RIT2: variants seen among roughly 807,000 people sequenced by gnomAD.
The protein encoded by RIT2 is Ras like without CAAX 2.
A neutral mutation model predicts 23.7 loss-of-function variants in RIT2; 24 were observed. The ratio of observed to expected loss-of-function variants is 1.01; its 90% CI spans 0.73 to 1.43. RIT2 has a LOEUF of 1.43. RIT2 is among the 40% of genes most tolerant of loss of function. The pLI is 0.00. For synonymous variants in RIT2, 107 were observed against 91.1 expected, an observed-to-expected ratio of 1.17 and a Z score of -0.99; for missense variants, 236 against 266.9, an observed-to-expected ratio of 0.88 and a Z score of 0.81.
At chr18:43,037,921 C>G (rs1912017724) in intron 1 of RIT2, among the ~76,000 whole-genome samples, 1 of 151,978 alleles carries the variant, frequency 6.6e-6, no homozygotes, top group African/African-American at 2.4e-5. Context: ...TTAATAGTTT[C>G]AGGCCGGACG....
chr18:42,917,440 G>T lies in RIT2; in HGVS notation c.426+6132C>A, dbSNP rs1283045530. On this transcript the variant is annotated intron_variant, in intron 4 of 4. Transcript: ENST00000326695. ...GGGCTCTAAACCTCACTGTAATCTTGTCACTTGCCATCCTGTCAGTGTGCA... is the reference window on the plus strand; with the variant it reads ...GGGCTCTAAACCTCACTGTAATCTTTTCACTTGCCATCCTGTCAGTGTGCA... Among the ~76,000 whole-genome samples the T allele has an allele frequency of 2.0e-5, 3 of 151,988 alleles. No homozygotes were observed. In the East Asian group the frequency reaches 5.8e-4, roughly 29 times the overall value.
chr18:42,894,696 C>T (rs1461136141), intron 4 of RIT2, among the ~76,000 whole-genome samples: 1 of 152,142 alleles, frequency 6.6e-6, no homozygotes, highest in East Asian at 1.9e-4. Flanking sequence ...AATTGAGACA[C>T]TTTACAGCTA....
intron 2 of RIT2, among the ~76,000 whole-genome samples, chr18:42,981,197 T>C (rs1384363191): frequency 1.3e-5 from 2 of 152,102 alleles, no homozygotes; most frequent in African/African-American, 4.8e-5. Flanking sequence ...TGGCATCTCT[T>C]GGTCTACCTT....
At chr18:42,972,496 A>C (rs1910385102) in intron 3 of RIT2, among the ~76,000 whole-genome samples, 1 of 151,876 alleles carries the variant, frequency 6.6e-6, no homozygotes, top group African/African-American at 2.4e-5. Context: ...AATAAGTACA[A>C]AGGGAAATAA....
At chr18:42,945,770 T>C (rs2144165181) in intron 3 of RIT2, among the ~76,000 whole-genome samples, 1 of 152,240 alleles carries the variant, frequency 6.6e-6, no homozygotes, top group African/African-American at 2.4e-5. Flanking sequence ...AAGGCTTTTA[T>C]TTACGAGATG....
At chr18:42,887,516 T>C (rs1221443876) in intron 4 of RIT2, among the ~76,000 whole-genome samples, 2 of 152,110 alleles carry the variant, frequency 1.3e-5, no homozygotes, top group Non-Finnish European at 2.9e-5. Flanking sequence ...CTGGCAAAGA[T>C]GTGCAGCAAC....
chr18:42,832,705 T>C (rs750978603), intron 4 of RIT2, among the ~76,000 whole-genome samples: 3 of 152,170 alleles, frequency 2.0e-5, no homozygotes, highest in Non-Finnish European at 4.4e-5. Context: ...ATTTGAAATA[T>C]ACAATATATT....
chr18:43,000,965 T>C (rs901549138), intron 2 of RIT2, among the ~76,000 whole-genome samples: 2 of 152,070 alleles, frequency 1.3e-5, no homozygotes, highest in African/African-American at 2.4e-5. Flanking sequence ...GGGGGTTGCA[T>C]TGGGAAAGCA....
At chr18:42,752,229 A>G (rs1913062091) in intron 4 of RIT2, among the ~76,000 whole-genome samples, 1 of 152,200 alleles carries the variant, frequency 6.6e-6, no homozygotes, top group African/African-American at 2.4e-5. Context: ...AGAATGTATT[A>G]CAAGAAGTAA....
intron 1 of RIT2, among the ~76,000 whole-genome samples, chr18:43,062,097 G>T (rs1042247857): frequency 6.6e-6 from 1 of 151,988 alleles, no homozygotes; most frequent in African/African-American, 2.4e-5. Flanking sequence ...GAAGCTCCTG[G>T]CACTACTTTC....
chr18:42,931,930 GCA>G (rs1363977528), intron 3 of RIT2, among the ~76,000 whole-genome samples: 2 of 152,116 alleles, frequency 1.3e-5, no homozygotes, highest in African/African-American at 4.8e-5. Flanking sequence ...TGGGACTCAT[GCA>G]CACACATACC....
intron 2 of RIT2, among the ~76,000 whole-genome samples, chr18:42,981,541 T>C (rs1910598815): frequency 6.6e-6 from 1 of 152,076 alleles, no homozygotes; most frequent in African/African-American, 2.4e-5. Flanking sequence ...TTTCCTATTG[T>C]TCCTGCTATG....
intron 3 of RIT2, among the ~76,000 whole-genome samples, chr18:42,947,533 C>T (rs773436275): frequency 6.6e-5 from 10 of 152,026 alleles, no homozygotes; most frequent in Non-Finnish European, 1.3e-4. Context: ...TTTTGCAGGG[C>T]ATATTAGAGG....
At chr18:43,051,522 T>G (rs1210640394) in intron 1 of RIT2, among the ~76,000 whole-genome samples, 1 of 152,112 alleles carries the variant, frequency 6.6e-6, no homozygotes, top group Non-Finnish European at 1.5e-5. Flanking sequence ...TAGGTGCCTG[T>G]GGGCTTATAA....
At chr18:42,940,527 G>A (rs1197001271) in intron 3 of RIT2, among the ~76,000 whole-genome samples, 4 of 151,534 alleles carry the variant, frequency 2.6e-5, no homozygotes, top group Non-Finnish European at 4.4e-5. Flanking sequence ...GTCAGGTGCT[G>A]TATCTTTTCA....
intron 3 of RIT2, among the ~76,000 whole-genome samples, chr18:42,931,210 T>A (rs1020314188): frequency 6.6e-6 from 1 of 152,160 alleles, no homozygotes; most frequent in Non-Finnish European, 1.5e-5. Flanking sequence ...TAAATGTTTT[T>A]AAATATGTTA....
At chr18:43,037,123 T>C (rs1912000039) in intron 1 of RIT2, among the ~76,000 whole-genome samples, 1 of 152,228 alleles carries the variant, frequency 6.6e-6, no homozygotes, top group Non-Finnish European at 1.5e-5. Flanking sequence ...TCTAAAAATC[T>C]AATAACAATG....
At chr18:42,924,919 A>C (rs1568031631) in intron 3 of RIT2, among the ~76,000 whole-genome samples, 1 of 152,092 alleles carries the variant, frequency 6.6e-6, no homozygotes, top group Non-Finnish European at 1.5e-5. Flanking sequence ...TAAAGCTAAT[A>C]AATTCCTGAG....
At chr18:42,800,392 A>G (rs1423183472) in intron 4 of RIT2, among the ~76,000 whole-genome samples, 1 of 152,184 alleles carries the variant, frequency 6.6e-6, no homozygotes, top group African/African-American at 2.4e-5. Flanking sequence ...GTGGTACTTC[A>G]GGGATTAATA....
Sources: allele counts gnomAD v4.1 joint callset (sites outside exome capture counted in the v4.1 genomes callset), GRCh38; gene constraint gnomAD v4.1.1; transcripts MANE v1.5; gene names NCBI Gene and HGNC (gene_info 2026-07-23, HGNC 2026-07-21).